DAB1: variants seen among roughly 807,000 people sequenced by gnomAD.
The protein encoded by DAB1 is DAB adaptor protein 1, also known as disabled homolog 1.
A neutral mutation model predicts 64.6 loss-of-function variants in DAB1; 15 were observed. The ratio of observed to expected loss-of-function variants is 0.23; its 90% CI spans 0.16 to 0.36. DAB1 has a LOEUF of 0.36. Among genes scored for constraint, DAB1 ranks in the 10% least tolerant of loss-of-function variants. The pLI is 1.00. For missense variants in DAB1, 596 were observed against 706.7 expected (o/e 0.84, Z 1.78); for synonymous variants, 235 against 251.9 (o/e 0.93, Z 0.64).
At chr1:57,058,637 A>C (rs1650072029) in intron 9 of DAB1, among the ~76,000 whole-genome samples, 1 of 152,236 alleles carries the variant, frequency 6.6e-6, no homozygotes, top group Non-Finnish European at 1.5e-5. Context: ...GCTAATGTAC[A>C]CTGAGTGATC....
intron 2 of DAB1, among the ~76,000 whole-genome samples, chr1:57,163,497 G>T: frequency 6.6e-6 from 1 of 151,964 alleles, no homozygotes; most frequent in Admixed American, 6.6e-5. Context: ...GGGCTCCCTC[G>T]TGTGCTGCTT....
chr1:57,841,527 G>C lies in DAB1; in HGVS notation n.88-15072C>G, dbSNP rs114247794. ...GCAGACTTCTGCCTGGACATCTTGA[G>C]GCAAAGGCTCCTAAAGCTCAACTCT... On this transcript the variant is annotated intron_variant and non_coding_transcript_variant, in intron 1 of 1. Coordinates refer to the DAB1 transcript ENST00000477280. Among the ~76,000 whole-genome samples, 771 of 152,282 alleles carry C rather than the reference G, an allele frequency of 5.1e-3. 4 individuals are homozygous for C. Among genetic ancestry groups the C allele is most frequent in the African/African-American group, 0.017 (688 of 41,586 alleles).
At chr1:58,286,807 T>C (rs1437967528) in intron 4 of DAB1, among the ~76,000 whole-genome samples, 16 of 152,162 alleles carry the variant, frequency 1.1e-4, no homozygotes, top group Non-Finnish European at 2.4e-4. Flanking sequence ...ACCCAGCAAT[T>C]GCATTACTGG....
chr1:57,443,628 AT>A (rs1483316457), intron 7 of DAB1, among the ~76,000 whole-genome samples: 2 of 152,168 alleles, frequency 1.3e-5, no homozygotes, highest in African/African-American at 4.8e-5. Flanking sequence ...TAATCCCCAT[AT>A]TATGAGCACA....
At chr1:57,469,864 A>T (rs1328392700) in intron 7 of DAB1, among the ~76,000 whole-genome samples, 1 of 152,248 alleles carries the variant, frequency 6.6e-6, no homozygotes, top group East Asian at 1.9e-4. Context: ...TTCACAATAT[A>T]TATTAACATA....
At chr1:57,403,510 A>T (rs1197860652) in intron 1 of DAB1, among the ~76,000 whole-genome samples, 1 of 152,178 alleles carries the variant, frequency 6.6e-6, no homozygotes, top group Non-Finnish European at 1.5e-5. Flanking sequence ...TTTTGTCATT[A>T]ACAACCTAAA....
At position 58,505,926 on chromosome 1, in the gene DAB1, C is replaced by A. The variant is rs571848108; in HGVS notation, n.257+134G>T. On this transcript the variant is annotated intron_variant and non_coding_transcript_variant, in intron 3 of 20. Coordinates refer to the DAB1 transcript ENST00000485760. ...GCTTTTCAGTCAAATTCTGTGACAA[C>A]TGATAATCCATAATTATAGTAATCA... The A allele has an allele frequency of 1.3e-5, 7 of 540,010 alleles. No individual in the cohort carries two copies. The Admixed American group carries it at 1.6e-4, about 13-fold the overall frequency. 33.5% of individuals were successfully genotyped at this position (540,010 alleles called of 1,614,324 possible). A position where few individuals can be genotyped will look rare whatever the true frequency, so the allele number is the denominator to read the frequency against.
rs570637193 is a variant in DAB1 at position 58,391,486 on chromosome 1, T to C, written n.258-48083A>G. Among the ~76,000 whole-genome samples the C allele has an allele frequency of 2.2e-3, 335 of 152,356 alleles. 2 individuals carry two copies. Among genetic ancestry groups the C allele is most frequent in the South Asian group, 7.7e-3 (37 of 4,834 alleles). ...TGTGACTTATCCAAGGCCATGGAGC[T>C]AAGAAGGGGTAAAGCCAGGACTTGA... is the stretch of plus-strand genomic sequence containing the variant. On this transcript the variant is annotated intron_variant and non_coding_transcript_variant, in intron 3 of 20. Transcript: ENST00000485760.
intron 7 of DAB1, among the ~76,000 whole-genome samples, chr1:57,473,152 A>G (rs1687201119): frequency 6.6e-6 from 1 of 152,226 alleles, no homozygotes; most frequent in Non-Finnish European, 1.5e-5. Context: ...CAGTAGTCAG[A>G]CAGACCTAGG....
At chr1:57,724,274 GGAAGGAAGGAAC>G (rs1284975869) in intron 6 of DAB1, among the ~76,000 whole-genome samples, 10 of 119,554 alleles carry the variant, frequency 8.4e-5, no homozygotes, top group African/African-American at 3.7e-4. Flanking sequence ...GAAAAAGGAA[GGAAGGAAGGAAC>G]GAAGGAAGGA....
intron 5 of DAB1, among the ~76,000 whole-genome samples, chr1:58,036,480 T>C (rs1184999875): frequency 6.6e-6 from 1 of 152,218 alleles, no homozygotes; most frequent in Non-Finnish European, 1.5e-5. Context: ...CTAGTTCTTA[T>C]AGTCGCCACT....
intron 6 of DAB1, among the ~76,000 whole-genome samples, chr1:57,767,161 TGGG>T (rs1649349177): frequency 6.6e-6 from 1 of 152,106 alleles, no homozygotes; most frequent in Middle Eastern, 3.2e-3. Context: ...TCCACAGAGG[TGGG>T]AGGGTGTGCT....
chr1:58,056,090 C>G (rs1395199951), intron 5 of DAB1: 1 of 843,158 alleles, frequency 1.2e-6, no homozygotes, highest in Admixed American at 2.0e-5. Context: ...TTTTATTTTT[C>G]TCCAGAGAAT....
intron 1 of DAB1, among the ~76,000 whole-genome samples, chr1:57,415,246 A>C (rs1274509888): frequency 1.4e-5 from 2 of 143,230 alleles, no homozygotes. Context: ...TACCTCACAC[A>C]ACACACACAC....
At chr1:57,691,351 C>A (rs1646762002) in intron 6 of DAB1, among the ~76,000 whole-genome samples, 1 of 152,150 alleles carries the variant, frequency 6.6e-6, no homozygotes, top group South Asian at 2.1e-4. Context: ...ACACACCAAG[C>A]AGCACTCTGT....
At chr1:57,161,704 T>G (rs940262248) in intron 2 of DAB1, among the ~76,000 whole-genome samples, 1 of 152,150 alleles carries the variant, frequency 6.6e-6, no homozygotes, top group African/African-American at 2.4e-5. Context: ...GGAAACATGT[T>G]CAAGACTTAA....
At chr1:57,110,932 T>A (rs1655602939) in intron 4 of DAB1, among the ~76,000 whole-genome samples, 1 of 151,996 alleles carries the variant, frequency 6.6e-6, no homozygotes, top group Non-Finnish European at 1.5e-5. Flanking sequence ...GCCTTGATAT[T>A]TATATATCAA....
chr1:58,268,114 C>T (rs1374247488), intron 4 of DAB1, among the ~76,000 whole-genome samples: 2 of 152,146 alleles, frequency 1.3e-5, no homozygotes, highest in African/African-American at 2.4e-5. Flanking sequence ...ACTAAAGTTA[C>T]TTACTCACTC....
At chr1:57,407,795 TGTGTGTGTGTG>T (rs1264241084) in intron 1 of DAB1, among the ~76,000 whole-genome samples, 5 of 151,144 alleles carry the variant, frequency 3.3e-5, no homozygotes, top group African/African-American at 1.2e-4. Flanking sequence ...TGTGTGTGTG[TGTGTGTGTGTG>T]TGTTTGTACA....
Sources: allele counts gnomAD v4.1 joint callset (sites outside exome capture counted in the v4.1 genomes callset), GRCh38; gene constraint gnomAD v4.1.1; transcripts MANE v1.5; gene names NCBI Gene and HGNC (gene_info 2026-07-23, HGNC 2026-07-21).